Variants in MTMR3 observed in about 807,000 individuals in gnomAD.
MTMR3 encodes the protein phosphatidylinositol-3,5-bisphosphate 3-phosphatase MTMR3.
In MTMR3, 32 loss-of-function variants were observed where a neutral mutation model predicts 132.4. The observed-to-expected ratio is 0.24, with a 90% confidence interval of 0.18 to 0.32. The LOEUF (loss-of-function observed/expected upper bound fraction) is 0.32, where lower values mean the gene tolerates loss of function less well. Ranked by LOEUF, MTMR3 falls within the 10% of genes least tolerant of loss-of-function variation. The pLI, the probability that MTMR3 is intolerant of heterozygous loss-of-function variation, is 1.00. For missense variants in MTMR3, 1,216 were observed against 1,489.6 expected, an observed-to-expected ratio of 0.82 and a Z score of 3.02; for synonymous variants, 556 against 550.3, an observed-to-expected ratio of 1.01 and a Z score of -0.14.
chr22:29,919,848 TA>T (rs1382931659), intron 1 of MTMR3, among the ~76,000 whole-genome samples: 1 of 152,126 alleles, frequency 6.6e-6, no homozygotes, highest in Admixed American at 6.5e-5. Context: ...CTTTAGGAAA[TA>T]TTTTTCTAGG....
intron 1 of MTMR3, among the ~76,000 whole-genome samples, chr22:29,900,897 A>G (rs879494728): frequency 3.9e-5 from 6 of 152,022 alleles, no homozygotes; most frequent in Non-Finnish European, 5.9e-5. Context: ...TGTGTATTTT[A>G]TAGAGATGGG....
At chr22:29,998,171 T>C (rs914540786) in intron 7 of MTMR3, 2 of 152,374 alleles carry the variant, frequency 1.3e-5, no homozygotes, top group East Asian at 1.9e-4. Context: ...AATTTTGTCC[T>C]TTGTAAAATG....
At position 30,012,596 on chromosome 22, in the gene MTMR3, T is replaced by C. The variant is rs1258603285; in HGVS notation, c.1317+33T>C. 9 of 1,557,180 alleles carry C rather than the reference T, an allele frequency of 5.8e-6. No homozygotes were observed. The East Asian group carries it at 2.1e-4, about 36-fold the overall frequency. ...CATCCAAATGGGAGGGGTTGGTACT[T>C]CAGGATGAGCCAGGGAAACGTCTCA... On this transcript the variant is annotated intron_variant, in intron 13 of 19. Coordinates refer to ENST00000401950, the MANE Select transcript of MTMR3 (RefSeq NM_021090.4).
chr22:30,020,380 T>A lies in MTMR3; in HGVS notation c.2721T>A (p.Thr907=), dbSNP rs370093149. 4.9e-5 allele frequency: 79 copies of A among 1,614,038 alleles called. No homozygotes were observed. The Middle Eastern group carries it at 1.3e-3, about 27-fold the overall frequency. ...TGCATAGGACTTCCCTTGGCAGCAC[T>A]CTCAGCCTGACACGTTCCCCTTGTG... ...SVVHRTSLGS[T]LSLTRSPCAL... Residue 907 remains threonine (T), a synonymous_variant, in exon 17 of 20, where the codon ACT becomes ACA. Transcript: ENST00000401950.
chr22:30,014,766 G>A (rs1413597990), intron 14 of MTMR3: 1 of 151,684 alleles, frequency 6.6e-6, no homozygotes, highest in Non-Finnish European at 1.5e-5. Flanking sequence ...TCCCGCCTTG[G>A]TTGCCCAAAG....
intron 1 of MTMR3, among the ~76,000 whole-genome samples, chr22:29,887,746 T>C (rs1334504279): frequency 1.3e-5 from 2 of 152,218 alleles, no homozygotes; most frequent in African/African-American, 4.8e-5. Context: ...CAGCACATTC[T>C]GTGTAAAGTT....
intron 9 of MTMR3, chr22:30,005,675 A>T (rs1229908212): frequency 6.6e-6 from 1 of 152,228 alleles, no homozygotes; most frequent in African/African-American, 2.4e-5. Flanking sequence ...GGCTTTAAAA[A>T]CTACAAGCAA....
At chr22:29,937,715 C>T (rs1284605697) in intron 1 of MTMR3, among the ~76,000 whole-genome samples, 1 of 152,160 alleles carries the variant, frequency 6.6e-6, no homozygotes, top group Non-Finnish European at 1.5e-5. Flanking sequence ...TTCAGGGCAA[C>T]TTGAATCTAT....
Position 30,025,722 on chromosome 22 carries a change from C to T in MTMR3, c.3518C>T (p.Ser1173Phe). 1 of 1,614,176 alleles carries T rather than the reference C, an allele frequency of 6.2e-7. No homozygotes were observed. Residue 1173 changes from serine (S) to phenylalanine (F), a missense_variant, in exon 20 of 20, where the codon TCT (serine) becomes TTT (phenylalanine). This residue lies in a region of MTMR3 where 852 missense variants were observed against 852.0 expected (regional missense o/e 1.00). Coordinates refer to ENST00000401950, the MANE Select transcript of MTMR3 (RefSeq NM_021090.4). The stretch of plus-strand genomic sequence containing the variant: ...TTTGAACCCAGTCGAGTATGCAAGT[C>T]TTGCTATAGCAGCCTACATCCCACA... Reference protein sequence around the residue: ...QLFEPSRVCKSCYSSLHPTSS... With the variant: ...QLFEPSRVCKFCYSSLHPTSS...
At chr22:29,994,797 A>C (rs969956701) in intron 7 of MTMR3, 1 of 152,234 alleles carries the variant, frequency 6.6e-6, no homozygotes, top group Non-Finnish European at 1.5e-5. Flanking sequence ...GGTCATAGTT[A>C]AGCCGGCTGT....
At chr22:29,919,615 TG>T (rs1372929969) in intron 1 of MTMR3, among the ~76,000 whole-genome samples, 2 of 152,098 alleles carry the variant, frequency 1.3e-5, no homozygotes, top group Admixed American at 1.3e-4. Flanking sequence ...CTCAGCCTCC[TG>T]GGCTCAAGCG....
chr22:29,906,252 CTGTCTGTCTGTCTGTCTGTCT>C (rs2065094050), intron 1 of MTMR3, among the ~76,000 whole-genome samples: 1 of 112,874 alleles, frequency 8.9e-6, no homozygotes, highest in Non-Finnish European at 1.7e-5. Flanking sequence ...ATCCGTCTGT[CTGTCTGTCTGTCTGTCTGTCT>C]GTCTGTCTGT....
At chr22:30,008,761 A>G in intron 11 of MTMR3, 1 of 374,206 alleles carries the variant, frequency 2.7e-6, no homozygotes, top group Non-Finnish European at 4.8e-6. Flanking sequence ...TTTAAAAAAT[A>G]ATAGCTTTTA....
intron 11 of MTMR3, 95 bp from the exon 12 acceptor site, chr22:30,008,923 A>G (rs1324963336): frequency 1.3e-6 from 1 of 772,036 alleles, no homozygotes; most frequent in African/African-American, 1.7e-5. Flanking sequence ...CAGAAGCTGC[A>G]GTGGGTTTGT....
intron 1 of MTMR3, among the ~76,000 whole-genome samples, chr22:29,943,667 A>G (rs1314891656): frequency 1.3e-5 from 2 of 152,152 alleles, no homozygotes; most frequent in Admixed American, 6.5e-5. Context: ...TCTGTATCCT[A>G]TGACTTAAAG....
chr22:30,003,450 A>G (rs1183017677), intron 9 of MTMR3: 6 of 151,488 alleles, frequency 4.0e-5, no homozygotes, highest in Non-Finnish European at 8.7e-5. Flanking sequence ...TTAGAGAAGA[A>G]GACTGAGGCA....
intron 1 of MTMR3, among the ~76,000 whole-genome samples, chr22:29,917,581 AGT>A (rs1415953676): frequency 6.6e-6 from 1 of 152,234 alleles, no homozygotes; most frequent in Admixed American, 6.5e-5. Context: ...TTTAAAAAAA[AGT>A]GTAATTTTTA....
At chr22:29,937,256 A>G (rs1266802452) in intron 1 of MTMR3, among the ~76,000 whole-genome samples, 4 of 152,162 alleles carry the variant, frequency 2.6e-5, no homozygotes, top group African/African-American at 9.7e-5. Context: ...TGTAAAAATC[A>G]TTGAGCGCCT....
chr22:29,954,059 C>CTT (rs59781649), intron 1 of MTMR3, among the ~76,000 whole-genome samples: 19,510 of 78,668 alleles, frequency 0.25, 4,739 homozygotes, highest in Non-Finnish European at 0.32. Context: ...TCAAATGAGT[C>CTT]TTTTTTTTTT....
Sources: gnomAD v4.1 joint callset for allele counts (sites outside exome capture counted in the v4.1 genomes callset) on GRCh38, gnomAD v4.1.1 for gene constraint, gnomAD v4.1.1 regional missense constraint, MANE v1.5 for transcripts, NCBI Gene and HGNC (gene_info 2026-07-23, HGNC 2026-07-21) for gene names.